PRKD1: variants seen among roughly 807,000 people sequenced by gnomAD.
PRKD1 encodes the protein serine/threonine-protein kinase D1.
A neutral mutation model predicts 95.9 loss-of-function variants in PRKD1; 63 were observed. That is an observed-to-expected ratio of 0.66 (90% CI 0.54 to 0.81). PRKD1 has a LOEUF of 0.81. PRKD1 is among the 30% of genes least tolerant of loss of function. The pLI is 0.00. For missense variants in PRKD1, 1,048 were observed against 1,165.3 expected (o/e 0.90, Z 1.47); for synonymous variants, 425 against 423.1 (o/e 1.00, Z -0.05).
At chr14:29,812,159 T>C (rs1426056168) in intron 1 of PRKD1, 1 of 152,184 alleles carries the variant, frequency 6.6e-6, no homozygotes, top group Non-Finnish European at 1.5e-5. Flanking sequence ...CAAAATGTCA[T>C]TGAGAAAAAC....
At chr14:29,847,890 A>G (rs571999776) in intron 1 of PRKD1, among the ~76,000 whole-genome samples, 1 of 151,656 alleles carries the variant, frequency 6.6e-6, no homozygotes, top group East Asian at 2.0e-4. Context: ...CCCCCCACCA[A>G]CCTTTCACTC....
At chr14:29,603,585 A>G (rs1482413084) in intron 13 of PRKD1, among the ~76,000 whole-genome samples, 2 of 152,208 alleles carry the variant, frequency 1.3e-5, no homozygotes, top group East Asian at 1.9e-4. Flanking sequence ...CAATTTTAAA[A>G]TAAGTTCAAC....
intron 13 of PRKD1, among the ~76,000 whole-genome samples, chr14:29,617,124 A>G (rs2139067325): frequency 6.6e-6 from 1 of 152,298 alleles, no homozygotes; most frequent in African/African-American, 2.4e-5. Flanking sequence ...TGCTGCAAAG[A>G]CATGATTTCC....
chr14:29,894,699 G>C (rs774889084), intron 1 of PRKD1, among the ~76,000 whole-genome samples: 1 of 152,130 alleles, frequency 6.6e-6, no homozygotes, highest in East Asian at 1.9e-4. Flanking sequence ...AAACACAATG[G>C]ACAAAACTTG....
At chr14:29,727,083 T>C (rs1398924678) in intron 1 of PRKD1, among the ~76,000 whole-genome samples, 3 of 152,170 alleles carry the variant, frequency 2.0e-5, no homozygotes, top group Non-Finnish European at 4.4e-5. Context: ...TTTTTAATGA[T>C]TGCCATTCTA....
At chr14:29,743,444 T>C (rs1312272124) in intron 1 of PRKD1, among the ~76,000 whole-genome samples, 1 of 152,142 alleles carries the variant, frequency 6.6e-6, no homozygotes, top group Non-Finnish European at 1.5e-5. Flanking sequence ...GAAAGCTAGT[T>C]TGAACACAGA....
intron 1 of PRKD1, among the ~76,000 whole-genome samples, chr14:29,896,365 T>TACAC (rs71443337): frequency 0.28 from 41,489 of 147,818 alleles, 5,600 homozygotes; most frequent in Non-Finnish European, 0.29. Context: ...CATGTGTGTG[T>TACAC]ACACACACAC....
intron 1 of PRKD1, among the ~76,000 whole-genome samples, chr14:29,736,846 T>A (rs1287241184): frequency 6.6e-6 from 1 of 152,058 alleles, no homozygotes; most frequent in Non-Finnish European, 1.5e-5. Flanking sequence ...TGCTCCAGAG[T>A]AGAATAAATA....
chr14:29,847,135 C>T (rs1298401690), intron 1 of PRKD1, among the ~76,000 whole-genome samples: 1 of 152,148 alleles, frequency 6.6e-6, no homozygotes, highest in East Asian at 1.9e-4. Context: ...TCTTCTCAGG[C>T]ATGAATGTGC....
At chr14:29,844,612 C>T (rs972147414) in intron 1 of PRKD1, among the ~76,000 whole-genome samples, 2 of 152,102 alleles carry the variant, frequency 1.3e-5, no homozygotes, top group Non-Finnish European at 2.9e-5. Flanking sequence ...AATGTATGGA[C>T]ATGTATGTAT....
At chr14:29,600,981 A>G (rs1021116513) in intron 13 of PRKD1, among the ~76,000 whole-genome samples, 2 of 152,230 alleles carry the variant, frequency 1.3e-5, no homozygotes, top group Non-Finnish European at 2.9e-5. Context: ...ATCATCATGA[A>G]CAAAAACCAC....
chr14:29,793,791 GA>G (rs1439084242), intron 1 of PRKD1, among the ~76,000 whole-genome samples: 1 of 152,002 alleles, frequency 6.6e-6, no homozygotes, highest in Non-Finnish European at 1.5e-5. Flanking sequence ...TTGTTAATTA[GA>G]TTTTTTTTTC....
chr14:29,635,546 C>T (rs1880310560), intron 7 of PRKD1, among the ~76,000 whole-genome samples: 1 of 152,164 alleles, frequency 6.6e-6, no homozygotes, highest in South Asian at 2.1e-4. Context: ...ATAAACATGG[C>T]ATTCGTAAAA....
At chr14:29,808,449 G>A (rs1334286333) in intron 1 of PRKD1, among the ~76,000 whole-genome samples, 1 of 122,612 alleles carries the variant, frequency 8.2e-6, no homozygotes, top group Non-Finnish European at 1.6e-5. Context: ...GCCCAGGTTG[G>A]AGTACAATAG....
At chr14:29,822,381 AT>A (rs1364248294) in intron 1 of PRKD1, among the ~76,000 whole-genome samples, 1 of 152,190 alleles carries the variant, frequency 6.6e-6, no homozygotes, top group African/African-American at 2.4e-5. Context: ...TTTAGTGAGC[AT>A]TTCTCTTGGG....
intron 1 of PRKD1, among the ~76,000 whole-genome samples, chr14:29,910,261 C>A (rs1163861439): frequency 6.6e-6 from 1 of 152,084 alleles, no homozygotes; most frequent in African/African-American, 2.4e-5. Flanking sequence ...TCCAGACGCG[C>A]CGCCTTAAGA....
rs1894043697 is a variant in PRKD1, at chr14:29,894,311, G to A, written c.264+32938C>T. ...GAGATGGGTAGATCAGCAAAATCAC[G>A]CAGAGCCTTCCTTGCAATGATTGTC... On this transcript the variant is annotated intron_variant, in intron 1 of 17. Transcript: ENST00000331968. 1.3e-5 allele frequency among the ~76,000 whole-genome samples: 2 copies of A among 152,202 alleles called. 1 individual carries two copies. Among genetic ancestry groups the A allele is most frequent in the South Asian group, 4.1e-4 (2 of 4,828 alleles).
intron 1 of PRKD1, among the ~76,000 whole-genome samples, chr14:29,746,263 C>T (rs774953645): frequency 1.1e-4 from 17 of 152,064 alleles, no homozygotes; most frequent in East Asian, 5.8e-4. Context: ...AAACTGAATG[C>T]GCTTATTCCT....
At chr14:29,785,218 T>C (rs1337729720) in intron 1 of PRKD1, among the ~76,000 whole-genome samples, 2 of 152,198 alleles carry the variant, frequency 1.3e-5, no homozygotes, top group African/African-American at 2.4e-5. Context: ...GTTTGTAAAC[T>C]GATATTGCCA....
Sources: allele counts gnomAD v4.1 joint callset (sites outside exome capture counted in the v4.1 genomes callset), GRCh38; gene constraint gnomAD v4.1.1; transcripts MANE v1.5; gene names NCBI Gene and HGNC (gene_info 2026-07-23, HGNC 2026-07-21).